DOCK3: variants seen among roughly 807,000 people sequenced by gnomAD.
DOCK3 encodes dedicator of cytokinesis 3.
A neutral mutation model predicts 265.6 loss-of-function variants in DOCK3; 60 were observed. The observed-to-expected ratio is 0.23, with a 90% CI of 0.18 to 0.28. DOCK3 has a LOEUF of 0.28. Among genes scored for constraint, DOCK3 ranks in the 10% least tolerant of loss-of-function variants. DOCK3 has a pLI of 1.00. For missense variants in DOCK3, 1,981 were observed against 2,594.3 expected (o/e 0.76, Z 5.14); for synonymous variants, 881 against 938.0 (o/e 0.94, Z 1.11).
At chr3:51,160,807 T>G in intron 12 of DOCK3, 105 bp downstream of exon 12, 2 of 1,386,742 alleles carry the variant, frequency 1.4e-6, no homozygotes, top group Non-Finnish European at 9.6e-7. Flanking sequence ...GGCCACGCAG[T>G]GGCTCACGCC....
At chr3:50,816,415 G>C (rs1460114077) in intron 2 of DOCK3, among the ~76,000 whole-genome samples, 1 of 149,042 alleles carries the variant, frequency 6.7e-6, no homozygotes, top group Non-Finnish European at 1.5e-5. Context: ...TCTGCCTCCC[G>C]GGTTCAAGTG....
At chr3:51,301,739 GT>G (rs2082370987) in intron 27 of DOCK3, among the ~76,000 whole-genome samples, 1 of 152,118 alleles carries the variant, frequency 6.6e-6, no homozygotes. Context: ...TAGTTGTGTG[GT>G]TTTTAGTGAG....
At chr3:50,693,328 T>C (rs2035372143) in intron 1 of DOCK3, among the ~76,000 whole-genome samples, 2 of 152,182 alleles carry the variant, frequency 1.3e-5, no homozygotes, top group South Asian at 2.1e-4. Context: ...AGGATTGTCA[T>C]CTTAACAATG....
intron 2 of DOCK3, among the ~76,000 whole-genome samples, chr3:50,799,841 A>T (rs1302222918): frequency 6.6e-6 from 1 of 152,078 alleles, no homozygotes; most frequent in African/African-American, 2.4e-5. Context: ...TGGGTTTGTT[A>T]TATATGGCCT....
chr3:51,059,571 A>G (rs2081336089), intron 5 of DOCK3, among the ~76,000 whole-genome samples: 1 of 151,988 alleles, frequency 6.6e-6, no homozygotes, highest in Non-Finnish European at 1.5e-5. Flanking sequence ...TTTCTGGTCA[A>G]TTCAAGTTAC....
At chr3:50,707,825 G>A (rs1306242762) in intron 1 of DOCK3, among the ~76,000 whole-genome samples, 1 of 152,082 alleles carries the variant, frequency 6.6e-6, no homozygotes, top group East Asian at 1.9e-4. Context: ...TTTGGGCCCC[G>A]ATTGGTGTGC....
At chr3:50,878,479 G>A (rs571302199) in intron 3 of DOCK3, among the ~76,000 whole-genome samples, 4 of 152,276 alleles carry the variant, frequency 2.6e-5, no homozygotes, top group South Asian at 2.1e-4. Context: ...ACGATGTGAC[G>A]CATGCACAAG....
chr3:51,020,231 A>G (rs1157812546), intron 5 of DOCK3, among the ~76,000 whole-genome samples: 1 of 149,312 alleles, frequency 6.7e-6, no homozygotes, highest in African/African-American at 2.5e-5. Context: ...AACAATGTTG[A>G]GTTTTTTTTC....
intron 6 of DOCK3, among the ~76,000 whole-genome samples, chr3:51,070,676 C>T (rs6787773): frequency 0.9 from 137,179 of 152,212 alleles, 62,008 homozygotes; most frequent in African/African-American, 0.95. Context: ...GAAAAGGGCA[C>T]TGCTCCACAA....
At chr3:50,749,979 A>G (rs570844940) in intron 1 of DOCK3, among the ~76,000 whole-genome samples, 26 of 152,258 alleles carry the variant, frequency 1.7e-4, no homozygotes, top group African/African-American at 6.3e-4. Flanking sequence ...GCGGACTGGT[A>G]CCAATCTGTG....
At chr3:50,779,320 G>T (rs1166329669) in intron 2 of DOCK3, among the ~76,000 whole-genome samples, 1 of 151,920 alleles carries the variant, frequency 6.6e-6, no homozygotes, top group Non-Finnish European at 1.5e-5. Flanking sequence ...GTATGTTTCC[G>T]TCTGATTGGC....
intron 5 of DOCK3, among the ~76,000 whole-genome samples, chr3:51,016,608 AT>A (rs2079277623): frequency 2.7e-5 from 2 of 74,278 alleles, no homozygotes; most frequent in African/African-American, 7.0e-5. Context: ...TGATATATAT[AT>A]TATATATTTA....
rs182507769 is a variant in DOCK3 at position 51,375,160 on chromosome 3, G to C, written c.5412+573G>C. ...CAGTCTGTCCCTGCCCTTCTATCAG[G>C]GTCCATAAAAGTCACCTCTCAGTGA... On this transcript the variant is annotated intron_variant, in intron 50 of 52. Transcript: ENST00000266037. Among the ~76,000 whole-genome samples, 14 of 152,274 alleles carry C rather than the reference G, an allele frequency of 9.2e-5. 1 individual carries two copies. Among genetic ancestry groups the C allele is most frequent in the South Asian group, 6.2e-4 (3 of 4,822 alleles).
At chr3:51,360,293 C>T (rs1045474490) in intron 46 of DOCK3, among the ~76,000 whole-genome samples, 3 of 152,198 alleles carry the variant, frequency 2.0e-5, no homozygotes, top group African/African-American at 7.2e-5. Context: ...CCTGGGGCCT[C>T]GCACACGGCC....
At chr3:50,900,094 C>T (rs536224255) in intron 4 of DOCK3, among the ~76,000 whole-genome samples, 1 of 152,080 alleles carries the variant, frequency 6.6e-6, no homozygotes, top group Non-Finnish European at 1.5e-5. Context: ...CCATTCTCAC[C>T]GTCACTTTCA....
intron 14 of DOCK3, among the ~76,000 whole-genome samples, chr3:51,220,724 T>TATATAA (rs1266649074): frequency 2.7e-5 from 4 of 146,452 alleles, no homozygotes; most frequent in Admixed American, 2.1e-4. Context: ...TATATATATA[T>TATATAA]ATATATATAA....
chr3:51,016,545 ATT>A (rs1428560796), intron 5 of DOCK3, among the ~76,000 whole-genome samples: 3 of 18,322 alleles, frequency 1.6e-4, no homozygotes, highest in Admixed American at 9.3e-4. Context: ...TGATATATAT[ATT>A]TATATATATC....
chr3:50,845,007 GAGGCC>G (rs1283486535), intron 3 of DOCK3, among the ~76,000 whole-genome samples: 3 of 152,162 alleles, frequency 2.0e-5, no homozygotes, highest in Admixed American at 2.0e-4. Flanking sequence ...TGGCTCACTT[GAGGCC>G]AGGAGTTCGA....
intron 31 of DOCK3, among the ~76,000 whole-genome samples, chr3:51,313,612 A>G (rs2109612952): frequency 6.6e-6 from 1 of 152,286 alleles, no homozygotes; most frequent in Non-Finnish European, 1.5e-5. Context: ...GAGAACTATT[A>G]TTATTTCAAG....
Sources: gnomAD v4.1 joint callset for allele counts (sites outside exome capture counted in the v4.1 genomes callset) on GRCh38, gnomAD v4.1.1 for gene constraint, MANE v1.5 for transcripts, NCBI Gene and HGNC (gene_info 2026-07-23, HGNC 2026-07-21) for gene names.